Variants in ARHGEF25 observed in about 807,000 individuals in gnomAD.
The protein encoded by ARHGEF25 is Rho guanine nucleotide exchange factor 25, also known as RAC/CDC42 exchange factor.
Under a neutral mutation model 74.0 loss-of-function variants are expected in ARHGEF25, and 42 were observed. The observed-to-expected ratio is 0.57, with a 90% CI of 0.44 to 0.73. The LOEUF is 0.73. Among genes scored for constraint, ARHGEF25 ranks in the 30% least tolerant of loss-of-function variants. The pLI, the probability that ARHGEF25 is intolerant of heterozygous loss-of-function variation, is 0.00. For missense variants in ARHGEF25, 645 were observed against 725.5 expected, an observed-to-expected ratio of 0.89 and a Z score of 1.27; for synonymous variants, 293 against 278.6, an observed-to-expected ratio of 1.05 and a Z score of -0.51.
Position 57,615,509 on chromosome 12 carries a change from C to A in ARHGEF25, c.1039-3C>A, listed in dbSNP as rs747061531. On this transcript the variant is annotated splice_region_variant and splice_polypyrimidine_tract_variant and intron_variant, in intron 11 of 14. Transcript: ENST00000286494. ...TCCAAGGCCACTATCCTTTTGGTTT[C>A]AGGGCAAACTGACTGCTCAGGGGAA... 6.2e-7 allele frequency: 1 copy of A among 1,614,164 alleles called. No individual in the cohort carries two copies. The highest frequency in any genetic ancestry group is 8.5e-7 in the Non-Finnish European group (1 of 1,180,030).
At chr12:57,611,333 C>A, upstream of ARHGEF25, 1 of 581,314 alleles carries the variant, frequency 1.7e-6, no homozygotes, top group Non-Finnish European at 2.1e-6. This position sits in a 1 kb window ranked among gnomAD's most constrained non-coding sequence, Gnocchi z 4.5. Context: ...GAGGGGCGAT[C>A]GGGGCGGGAA....
At position 57,616,025 on chromosome 12, in the gene ARHGEF25, T is replaced by C; in HGVS notation, c.1420+8T>C. On this transcript the variant is annotated splice_region_variant and intron_variant, in intron 13 of 14. Coordinates refer to ENST00000286494, the MANE Select transcript of ARHGEF25 (RefSeq NM_182947.4). ...AACGGGACTTCCTCAACGGTGAAGC[T>C]CTCATCCTTTCTTCCCGATGTGCTC... 4 of 1,606,068 alleles carry C rather than the reference T, an allele frequency of 2.5e-6. No homozygotes were observed. The highest frequency in any genetic ancestry group is 3.4e-6 in the Non-Finnish European group (4 of 1,175,000).
Position 57,613,743 on chromosome 12 carries a change from T to C in ARHGEF25, c.535T>C (p.Leu179=), listed in dbSNP as rs1454259570. ...VETEKMYVDD[L]GQIVEGYMAT... ...AACAGAGAAAATGTACGTGGACGACTTGGGGCAGATTGTGGAGGTAGCTCC... is the reference window on the plus strand; with the variant it reads ...AACAGAGAAAATGTACGTGGACGACCTGGGGCAGATTGTGGAGGTAGCTCC... The change falls in exon 5 of 15, where the codon TTG becomes CTG. Residue 179 remains leucine (L), a synonymous_variant. Transcript: ENST00000286494. 6.2e-7 allele frequency: 1 copy of C among 1,614,136 alleles called. No homozygotes were observed. The highest frequency in any genetic ancestry group is 1.7e-5 in the Admixed American group (1 of 60,020).
chr12:57,610,289 G>C (rs1307893919), upstream of ARHGEF25: 2 of 1,569,374 alleles, frequency 1.3e-6, no homozygotes, highest in African/African-American at 2.7e-5. Flanking sequence ...CATGCTGCGC[G>C]CATGCGCCCT....
Position 57,614,849 on chromosome 12 carries a change from G to C in ARHGEF25, c.909+68G>C. ...GCTGTTTCCTCATTCATCTCCCCAG[G>C]GTTCTTAGGGCTCCCCCAGACTTCC... is the stretch of plus-strand genomic sequence containing the variant. On this transcript the variant is annotated intron_variant, in intron 9 of 14. Coordinates refer to ENST00000286494, the MANE Select transcript of ARHGEF25 (RefSeq NM_182947.4). The surrounding 1 kb of genome is among the most constrained non-coding windows in gnomAD (Gnocchi z 4.6). The C allele has an allele frequency of 6.4e-7, 1 of 1,572,672 alleles. No individual in the cohort carries two copies. Among genetic ancestry groups the C allele is most frequent in the Non-Finnish European group, 8.7e-7 (1 of 1,156,006 alleles).
Position 57,616,978 on chromosome 12 carries a change from A to C in ARHGEF25, c.*84A>C. 1 of 1,072,512 alleles carries C rather than the reference A, an allele frequency of 9.3e-7. No homozygotes were observed. The highest frequency in any genetic ancestry group is 1.4e-6 in the Non-Finnish European group (1 of 707,680). The allele number at this position is 1,072,512 out of a possible 1,614,324, so 66.4% of individuals were successfully genotyped here. Reference sequence around the variant, plus strand: ...GGCAGTCCTTCTGGCACTGCTCCAGAATTCCTCCTTCTTGGTGTGTCTGGA... The same window carrying C: ...GGCAGTCCTTCTGGCACTGCTCCAGCATTCCTCCTTCTTGGTGTGTCTGGA... On this transcript the variant is annotated 3_prime_UTR_variant, in exon 15 of 15. Coordinates refer to ENST00000286494, the MANE Select transcript of ARHGEF25 (RefSeq NM_182947.4).
upstream of ARHGEF25, chr12:57,610,492 G>C (rs766610987): frequency 2.7e-6 from 3 of 1,121,118 alleles, no homozygotes; most frequent in Non-Finnish European, 3.8e-6. Context: ...TGTGGGTTTT[G>C]ACAGGTAGGA....
In ARHGEF25 at chr12:57,613,706, T is replaced by C. The variant is rs1440153194; in HGVS notation, c.498T>C (p.Ser166=). ...GCTTTCATCCTAGGTATGTCCTGAG[T>C]GAACTGGTAGAAACAGAGAAAATGT... ...KALERSMYVL[S]ELVETEKMYV... Residue 166 remains serine, a synonymous_variant, in exon 5 of 15, where the codon AGT becomes AGC. Transcript: ENST00000286494. 1.2e-6 allele frequency: 2 copies of C among 1,613,862 alleles called. No homozygotes were observed. Among genetic ancestry groups the C allele is most frequent in the African/African-American group, 1.3e-5 (1 of 74,858 alleles).
upstream of ARHGEF25, chr12:57,610,708 G>A (rs752130294): frequency 6.3e-7 from 1 of 1,592,074 alleles, no homozygotes; most frequent in Non-Finnish European, 8.6e-7. Context: ...GGTGGGGTGG[G>A]GCACAGTTTG....
chr12:57,613,764 G>A lies in ARHGEF25; in HGVS notation c.552+4G>A. On this transcript the variant is annotated splice_donor_region_variant and intron_variant, in intron 5 of 14. Transcript: ENST00000286494. ...CGACTTGGGGCAGATTGTGGAGGTA[G>A]CTCCCTTTACCCCTTCCCAGCCCCT... 6.2e-7 allele frequency: 1 copy of A among 1,613,916 alleles called. No homozygotes were observed. The highest frequency in any genetic ancestry group is 1.7e-4 in the Middle Eastern group (1 of 6,058).
In ARHGEF25 at chr12:57,615,585, T is replaced by G; in HGVS notation, c.1112T>G (p.Leu371Arg). Residue 371 changes from leucine (L) to arginine (R), a missense_variant, in exon 12 of 15, where the codon CTG (leucine) becomes CGG (arginine). Around this residue, in one of 3 missense-constraint regions of ARHGEF25, gnomAD observed 262 missense variants for 256.9 expected, o/e 1.02. Transcript: ENST00000286494. Reference sequence around the variant, plus strand: ...GTCACCGAGCCTGAGGCTGGAGGGCTGCTGTCTTCCCGAGGTCGAGAGAGG... The same window carrying G: ...GTCACCGAGCCTGAGGCTGGAGGGCGGCTGTCTTCCCGAGGTCGAGAGAGG... Reference protein sequence around the residue: ...FWVTEPEAGGLLSSRGRERRV... With the variant: ...FWVTEPEAGGRLSSRGRERRV... The G allele has an allele frequency of 6.2e-7, 1 of 1,614,208 alleles. No individual in the cohort carries two copies. Among genetic ancestry groups the G allele is most frequent in the Non-Finnish European group, 8.5e-7 (1 of 1,180,044 alleles).
rs774950194 is a variant in ARHGEF25 at position 57,613,462 on chromosome 12, C to CCCAAG, written c.434_438dup (p.Pro147LysfsTer21). The stretch of plus-strand genomic sequence containing the variant: ...CAGCCACCTGAAGAGGAGACTTTGT[C>CCCAAG]CCAAGCCCCTGAGAGTGAGGAGGAA... On this transcript the variant is annotated frameshift_variant, in exon 4 of 15. Coordinates refer to ENST00000286494, the MANE Select transcript of ARHGEF25 (RefSeq NM_182947.4). LOFTEE classifies it high-confidence loss of function. 2.2e-5 allele frequency: 35 copies of CCCAAG among 1,614,098 alleles called. No homozygotes were observed. The highest frequency in any genetic ancestry group is 2.9e-5 in the Non-Finnish European group (34 of 1,180,046).
rs201573584 is a variant in ARHGEF25 at position 57,613,303 on chromosome 12, C to A, written c.352C>A (p.Leu118Met). The change falls in exon 3 of 15, where the codon CTG becomes ATG. Residue 118 changes from leucine (L) to methionine (M), a missense_variant. Physicochemically the swap from Leu to Met is conservative, Grantham distance 15 (BLOSUM62 2). Around this residue, in one of 3 missense-constraint regions of ARHGEF25, gnomAD observed 189 missense variants for 199.1 expected, o/e 0.95. Transcript: ENST00000286494. ...GCCAGCTCTAGCCACAGGAGAGGAG[C>A]TGCCGGAACTGACCTTGCTGACCAC... is the stretch of plus-strand genomic sequence containing the variant. The part of the protein sequence containing the change: ...LEPALATGEE[L>M]PELTLLTTLL... The A allele has an allele frequency of 6.2e-7, 1 of 1,614,250 alleles. No individual in the cohort carries two copies. Among genetic ancestry groups the A allele is most frequent in the Admixed American group, 1.7e-5 (1 of 60,030 alleles).
rs755937306 is a variant in ARHGEF25, at chr12:57,615,278, C to T, written c.1002C>T (p.Asn334=). The T allele has an allele frequency of 1.4e-5, 22 of 1,609,054 alleles. No individual in the cohort carries two copies. Among genetic ancestry groups the T allele is most frequent in the African/African-American group, 9.4e-5 (7 of 74,626 alleles). Residue 334 remains asparagine, a synonymous_variant, in exon 11 of 15, where the codon AAC becomes AAT. Transcript: ENST00000286494. ...TGTGCTTTGTGCCCAAGCGCTGCAA[C>T]GATATGATGACGCTGGGGAGATTGC... is the stretch of plus-strand genomic sequence containing the variant. The part of the protein sequence containing the change: ...EVMCFVPKRC[N]DMMTLGRLRG...
chr12:57,614,848 G>A lies in ARHGEF25; in HGVS notation c.909+67G>A. 1 of 1,571,612 alleles carries A rather than the reference G, an allele frequency of 6.4e-7. No individual in the cohort carries two copies. The highest frequency in any genetic ancestry group is 8.7e-7 in the Non-Finnish European group (1 of 1,155,418). ...AGCTGTTTCCTCATTCATCTCCCCA[G>A]GGTTCTTAGGGCTCCCCCAGACTTC... On this transcript the variant is annotated intron_variant, in intron 9 of 14. Transcript: ENST00000286494. The surrounding 1 kb of genome is among the most constrained non-coding windows in gnomAD (Gnocchi z 4.6).
rs1425569555 is a variant in ARHGEF25 at position 57,611,920 on chromosome 12, G to A, written c.26G>A (p.Arg9His). 5 of 1,287,674 alleles carry A rather than the reference G, an allele frequency of 3.9e-6. No individual in the cohort carries two copies. Among genetic ancestry groups the A allele is most frequent in the Non-Finnish European group, 4.0e-6 (4 of 1,001,790 alleles). The allele number at this position is 1,287,674 out of a possible 1,614,324, so 79.8% of individuals were successfully genotyped here. A position where few individuals can be genotyped will look rare whatever the true frequency, so the allele number is the denominator to read the frequency against. ...ATGCGGGGGGGGCACAAAGGGGGTC[G>A]CTGTGCCTGTCCCCGTGTGATCCGA... MRGGHKGGRCACPRVIRKV... is the reference protein window; with the variant it reads MRGGHKGGHCACPRVIRKV... The change falls in exon 1 of 15, where the codon CGC (arginine) becomes CAC (histidine). Residue 9 changes from arginine (R) to histidine (H), a missense_variant. By Grantham distance (29) the Arg-to-His change is conservative. Coordinates refer to ENST00000286494, the MANE Select transcript of ARHGEF25 (RefSeq NM_182947.4). This position sits in a 1 kb window ranked among gnomAD's most constrained non-coding sequence, Gnocchi z 4.5.
upstream of ARHGEF25, chr12:57,610,488 T>G: frequency 8.0e-7 from 1 of 1,255,766 alleles, no homozygotes; most frequent in Non-Finnish European, 1.1e-6. Flanking sequence ...ACAATGTGGG[T>G]TTTGACAGGT....
chr12:57,616,953 G>A lies in ARHGEF25; in HGVS notation c.*59G>A. On this transcript the variant is annotated 3_prime_UTR_variant, in exon 15 of 15. Coordinates refer to ENST00000286494, the MANE Select transcript of ARHGEF25 (RefSeq NM_182947.4). ...CCGCCTATTCCCCAAGGAGCTTCAG[G>A]GCAGTCCTTCTGGCACTGCTCCAGA... 2 of 1,364,290 alleles carry A rather than the reference G, an allele frequency of 1.5e-6. No homozygotes were observed. Among genetic ancestry groups the A allele is most frequent in the South Asian group, 2.3e-5 (2 of 85,138 alleles). The allele number at this position is 1,364,290 out of a possible 1,614,324, so 84.5% of individuals were successfully genotyped here.
rs546977614 is a variant in ARHGEF25 at position 57,611,692 on chromosome 12, T to G, written c.-203T>G. 18 of 1,141,172 alleles carry G rather than the reference T, an allele frequency of 1.6e-5. No homozygotes were observed. The highest frequency in any genetic ancestry group is 1.9e-5 in the Non-Finnish European group (18 of 930,610). The allele number at this position is 1,141,172 out of a possible 1,614,324, so 70.7% of individuals were successfully genotyped here. Reference sequence around the variant, plus strand: ...CGGCCGGGCCCCGCGCCTCTCTCTCTCTAGAGCCCCCAGCCCTCCTCAAGA... The same window carrying G: ...CGGCCGGGCCCCGCGCCTCTCTCTCGCTAGAGCCCCCAGCCCTCCTCAAGA... On this transcript the variant is annotated 5_prime_UTR_variant, in exon 1 of 15. Transcript: ENST00000286494. This position sits in a 1 kb window ranked among gnomAD's most constrained non-coding sequence, Gnocchi z 4.5.
Sources: gnomAD v4.1 joint callset for allele counts on GRCh38, gnomAD v4.1.1 for gene constraint, gnomAD v4.1.1 regional missense constraint, Gnocchi (gnomAD v3.1) non-coding constraint, MANE v1.5 for transcripts, NCBI Gene and HGNC (gene_info 2026-07-23, HGNC 2026-07-21) for gene names.